PCSK6: variants seen among roughly 807,000 people sequenced by gnomAD.
PCSK6 encodes proprotein convertase subtilisin/kexin type 6.
Under a neutral mutation model 123.3 loss-of-function variants are expected in PCSK6, and 85 were observed. That is an observed-to-expected ratio of 0.69 (90% CI 0.58 to 0.83). The LOEUF is 0.83. Ranked by LOEUF, PCSK6 falls within the 40% of genes least tolerant of loss-of-function variation. The probability of loss-of-function intolerance (pLI) is 0.00; values close to 1 mark genes in which losing one functional copy is unlikely to be tolerated. For missense variants in PCSK6, 1,191 were observed against 1,282.3 expected (o/e 0.93, Z 1.09); for synonymous variants, 508 against 516.0 (o/e 0.98, Z 0.21).
At chr15:101,389,344 T>C in intron 9 of PCSK6, 120 bp downstream of exon 9, 1 of 758,394 alleles carries the variant, frequency 1.3e-6, no homozygotes, top group South Asian at 1.5e-5. Flanking sequence ...CACGACTCAC[T>C]GAATGTGCTT....
Position 101,398,324 on chromosome 15 carries a change from A to G in PCSK6, c.996+80T>C. On this transcript the variant is annotated intron_variant, in intron 7 of 21. Transcript: ENST00000611716. This position sits in a 1 kb window ranked among gnomAD's most constrained non-coding sequence, Gnocchi z 4.6. ...CCTGTCTTGTTTCAGGGCTGTGGCCAGTGTCACTCTGATACTTGTTAAAAT... is the reference window on the plus strand; with the variant it reads ...CCTGTCTTGTTTCAGGGCTGTGGCCGGTGTCACTCTGATACTTGTTAAAAT... The G allele has an allele frequency of 1.4e-6, 2 of 1,472,688 alleles. No homozygotes were observed. Among genetic ancestry groups the G allele is most frequent in the Non-Finnish European group, 1.8e-6 (2 of 1,083,630 alleles). The allele number at this position is 1,472,688 out of a possible 1,614,324, so 91.2% of individuals were successfully genotyped here.
At chr15:101,408,953 T>C (rs965782584) in intron 6 of PCSK6, among the ~76,000 whole-genome samples, 26 of 152,250 alleles carry the variant, frequency 1.7e-4, no homozygotes, top group African/African-American at 6.0e-4. Context: ...AACAGGAATC[T>C]GGTCGCTGCC....
intron 11 of PCSK6, among the ~76,000 whole-genome samples, chr15:101,377,585 T>G (rs527956916): frequency 6.6e-6 from 1 of 152,336 alleles, no homozygotes; most frequent in East Asian, 1.9e-4. Context: ...ACACAGTAAG[T>G]GCCTTTATAA....
intron 1 of PCSK6, among the ~76,000 whole-genome samples, chr15:101,464,920 G>A (rs4965388): frequency 2.0e-5 from 3 of 151,960 alleles, no homozygotes; most frequent in Non-Finnish European, 2.9e-5. Context: ...GGCCAGCGGC[G>A]GGCATACCAG....
intron 16 of PCSK6, among the ~76,000 whole-genome samples, 187 bp downstream of exon 16, chr15:101,326,190 A>C (rs1434061911): frequency 6.6e-6 from 1 of 152,282 alleles, no homozygotes; most frequent in Non-Finnish European, 1.5e-5. Flanking sequence ...ATGGACATGT[A>C]TGACTTGCAT....
chr15:101,329,980 C>T (rs982485584), intron 15 of PCSK6, among the ~76,000 whole-genome samples: 1 of 152,242 alleles, frequency 6.6e-6, no homozygotes, highest in African/African-American at 2.4e-5. Context: ...CCCACACCTG[C>T]TGAATCCCAG....
At chr15:101,342,043 T>A (rs935569352) in intron 13 of PCSK6, among the ~76,000 whole-genome samples, 1 of 148,292 alleles carries the variant, frequency 6.7e-6, no homozygotes, top group South Asian at 2.1e-4. Context: ...AGCAGGAGAA[T>A]TGCTTGAACC....
chr15:101,481,137 G>A lies in PCSK6; in HGVS notation c.297+8237C>T, dbSNP rs1276326102. ...AGAGCAGCCAGAGGCCTAACTTTGG[G>A]CTGACTCACCCAGGAAGCCCAGAGC... On this transcript the variant is annotated intron_variant, in intron 1 of 21. Transcript: ENST00000611716. Among the ~76,000 whole-genome samples, 4 of 152,186 alleles carry A rather than the reference G, an allele frequency of 2.6e-5. No homozygotes were observed. In the East Asian group the frequency reaches 7.7e-4, roughly 29 times the overall value.
At position 101,305,650 on chromosome 15, in the gene PCSK6, G is replaced by C. The variant is rs1312860933; in HGVS notation, c.2813-295C>G. The C allele has an allele frequency of 6.2e-6, 2 of 322,894 alleles. No individual in the cohort carries two copies. The highest frequency in any genetic ancestry group is 4.3e-5 in the African/African-American group (2 of 46,900). The allele number at this position is 322,894 out of a possible 1,614,324, so 20.0% of individuals were successfully genotyped here. On this transcript the variant is annotated intron_variant, in intron 21 of 21. Transcript: ENST00000611716. The surrounding 1 kb of genome is among the most constrained non-coding windows in gnomAD (Gnocchi z 4.8). The stretch of plus-strand genomic sequence containing the variant: ...CTGAACCCAGGAGGCAGAGGTTGCA[G>C]TGAGCTGAGATCATGCCACTGCACT...
intron 11 of PCSK6, among the ~76,000 whole-genome samples, chr15:101,374,234 C>T (rs541243980): frequency 1.4e-4 from 21 of 152,336 alleles, no homozygotes; most frequent in African/African-American, 4.3e-4. Context: ...CAACAGTAGC[C>T]ACCCTGCTGA....
Position 101,446,644 on chromosome 15 carries a change from A to C in PCSK6, c.298-2984T>G, listed in dbSNP as rs929876689. Among the ~76,000 whole-genome samples, 5 of 152,238 alleles carry C rather than the reference A, an allele frequency of 3.3e-5. No individual in the cohort carries two copies. The East Asian group carries it at 9.6e-4, about 29-fold the overall frequency. ...AGAGCCCACGAGGATCAAAGAGTTCATATGTGAACTCTGAAACAGAAAAGG... is the reference window on the plus strand; with the variant it reads ...AGAGCCCACGAGGATCAAAGAGTTCCTATGTGAACTCTGAAACAGAAAAGG... On this transcript the variant is annotated intron_variant, in intron 1 of 21. Transcript: ENST00000611716.
chr15:101,489,699 G>A lies in PCSK6; in HGVS notation c.-29C>T. On this transcript the variant is annotated 5_prime_UTR_variant, in exon 1 of 22. Transcript: ENST00000611716. ...GGCGACAGGCTCGCGCGGCGCCCGA[G>A]CTGCGAGTGCGCCGGGGGGTGGAGT... The A allele has an allele frequency of 1.1e-6, 1 of 945,202 alleles. No individual in the cohort carries two copies. The highest frequency in any genetic ancestry group is 1.3e-6 in the Non-Finnish European group (1 of 796,178). 58.6% of individuals were successfully genotyped at this position (945,202 alleles called of 1,614,324 possible).
intron 19 of PCSK6, chr15:101,316,355 G>C (rs1405325583): frequency 6.6e-6 from 1 of 152,236 alleles, no homozygotes; most frequent in African/African-American, 2.4e-5. Flanking sequence ...AGAAGTCACT[G>C]GTTTGAGATG....
intron 6 of PCSK6, among the ~76,000 whole-genome samples, chr15:101,422,903 G>A (rs891810012): frequency 6.6e-6 from 1 of 152,028 alleles, no homozygotes; most frequent in Non-Finnish European, 1.5e-5. Context: ...TTACAGGCGT[G>A]AGCCACCGCG....
chr15:101,394,948 A>G (rs2042360387), intron 7 of PCSK6, among the ~76,000 whole-genome samples: 3 of 152,214 alleles, frequency 2.0e-5, no homozygotes, highest in Admixed American at 1.3e-4. Context: ...TCCCTCCCAG[A>G]AAAGCTAACC....
At chr15:101,409,124 C>T (rs1246105824) in intron 6 of PCSK6, among the ~76,000 whole-genome samples, 1 of 152,224 alleles carries the variant, frequency 6.6e-6, no homozygotes, top group Non-Finnish European at 1.5e-5. Flanking sequence ...TACTCCAGAC[C>T]AGCCTCAGGG....
intron 7 of PCSK6, among the ~76,000 whole-genome samples, chr15:101,394,373 T>A (rs1246836350): frequency 6.6e-6 from 1 of 152,122 alleles, no homozygotes; most frequent in East Asian, 1.9e-4. Context: ...CTCTATCCCA[T>A]ACCCACAGGA....
intron 1 of PCSK6, among the ~76,000 whole-genome samples, chr15:101,444,414 G>A (rs141107597): frequency 6.6e-6 from 1 of 152,282 alleles, no homozygotes; most frequent in East Asian, 1.9e-4. Flanking sequence ...AGAAGGGCTA[G>A]TTGATCACCA....
At chr15:101,411,106 G>A (rs891985912) in intron 6 of PCSK6, among the ~76,000 whole-genome samples, 1 of 152,182 alleles carries the variant, frequency 6.6e-6, no homozygotes, top group Non-Finnish European at 1.5e-5. Context: ...CAGCACAGAC[G>A]AGCTGTCTTG....
Sources: gnomAD v4.1 joint callset for allele counts (sites outside exome capture counted in the v4.1 genomes callset) on GRCh38, gnomAD v4.1.1 for gene constraint, Gnocchi (gnomAD v3.1) non-coding constraint, MANE v1.5 for transcripts, NCBI Gene and HGNC (gene_info 2026-07-23, HGNC 2026-07-21) for gene names.